The following DLGAP1 variants were observed in gnomAD, a reference collection of about 807,000 sequenced individuals.
The protein encoded by DLGAP1 is disks large-associated protein 1.
In DLGAP1, 11 loss-of-function variants were observed where a neutral mutation model predicts 90.8. The observed-to-expected ratio is 0.12, with a 90% CI of 0.08 to 0.20. DLGAP1 has a LOEUF of 0.20. Ranked by LOEUF, DLGAP1 falls within the 10% of genes least tolerant of loss-of-function variation. DLGAP1 has a pLI of 1.00. For synonymous variants in DLGAP1, 558 were observed against 540.7 expected, an observed-to-expected ratio of 1.03 and a Z score of -0.44; for missense variants, 1,050 against 1,333.8, an observed-to-expected ratio of 0.79 and a Z score of 3.31.
At chr18:3,551,314 G>A (rs55729040) in intron 9 of DLGAP1, among the ~76,000 whole-genome samples, 134,340 of 151,940 alleles carry the variant, frequency 0.88, 59,857 homozygotes, top group East Asian at 1. Context: ...TGTAGTGGTG[G>A]TCTTGCCTCA....
intron 3 of DLGAP1, among the ~76,000 whole-genome samples, chr18:3,967,548 C>T (rs2073355809): frequency 6.6e-6 from 1 of 152,158 alleles, no homozygotes; most frequent in African/African-American, 2.4e-5. Context: ...GTGACTGATG[C>T]CGGCTGAAAT....
intron 10 of DLGAP1, among the ~76,000 whole-genome samples, chr18:3,527,561 T>C (rs1568134816): frequency 6.6e-6 from 1 of 151,614 alleles, no homozygotes; most frequent in Non-Finnish European, 1.5e-5. Flanking sequence ...GTTTTTGTTT[T>C]TTTAGTTTTT....
chr18:3,856,001 G>A (rs1426540672), intron 4 of DLGAP1, among the ~76,000 whole-genome samples: 1 of 152,200 alleles, frequency 6.6e-6, no homozygotes, highest in Non-Finnish European at 1.5e-5. Flanking sequence ...TACAAAGCAT[G>A]TCAAGAATGG....
intron 1 of DLGAP1, among the ~76,000 whole-genome samples, chr18:4,158,023 C>T (rs1343867290): frequency 2.0e-5 from 3 of 152,150 alleles, no homozygotes; most frequent in African/African-American, 7.2e-5. Flanking sequence ...AAAGAAAGAG[C>T]AAACCACAGG....
Position 4,407,831 on chromosome 18 carries a change from C to T in DLGAP1, c.-267+47175G>A, listed in dbSNP as rs138055892. Among the ~76,000 whole-genome samples the T allele has an allele frequency of 5.1e-4, 78 of 151,470 alleles. 1 individual carries two copies. In the East Asian group the frequency reaches 0.014, roughly 28 times the overall value. On this transcript the variant is annotated intron_variant, in intron 1 of 12. Coordinates refer to ENST00000315677, the MANE Select transcript of DLGAP1 (RefSeq NM_004746.4). ...CCAAAAGGGGGAGGTTGCAGTGAGC[C>T]GAGATTACGCCAGAGTGAGACTCAG...
chr18:3,627,068 T>C (rs2058323939), intron 7 of DLGAP1, among the ~76,000 whole-genome samples: 2 of 152,170 alleles, frequency 1.3e-5, no homozygotes, highest in Admixed American at 6.5e-5. Context: ...AAGAATTACA[T>C]GGTCTCATGA....
chr18:4,000,321 A>G (rs1047582910), intron 3 of DLGAP1, among the ~76,000 whole-genome samples: 5 of 152,008 alleles, frequency 3.3e-5, no homozygotes, highest in Non-Finnish European at 5.9e-5. Flanking sequence ...TTTTCAACGG[A>G]TATGTTTTTA....
intron 2 of DLGAP1, among the ~76,000 whole-genome samples, chr18:4,146,413 G>A (rs1319958726): frequency 1.3e-5 from 2 of 152,140 alleles, no homozygotes; most frequent in Admixed American, 6.5e-5. Context: ...TCAAATATGT[G>A]CCCTTAGTGG....
At chr18:4,357,307 C>T (rs2081542418) in intron 1 of DLGAP1, among the ~76,000 whole-genome samples, 2 of 151,838 alleles carry the variant, frequency 1.3e-5, no homozygotes, top group Admixed American at 1.3e-4. Context: ...GTGTGTGCCA[C>T]CACGCCTGGC....
At chr18:3,903,550 A>T (rs2071831156) in intron 3 of DLGAP1, among the ~76,000 whole-genome samples, 1 of 152,216 alleles carries the variant, frequency 6.6e-6, no homozygotes, top group African/African-American at 2.4e-5. Context: ...TTTGCAGCAG[A>T]TCTTTTAAAC....
At chr18:3,766,479 A>G (rs1356036199) in intron 5 of DLGAP1, among the ~76,000 whole-genome samples, 1 of 152,150 alleles carries the variant, frequency 6.6e-6, no homozygotes, top group East Asian at 1.9e-4. Flanking sequence ...AATAGACTCA[A>G]ACAGACATTA....
chr18:4,115,095 CT>C (rs1421101760), intron 2 of DLGAP1, among the ~76,000 whole-genome samples: 2 of 151,944 alleles, frequency 1.3e-5, no homozygotes, highest in African/African-American at 4.8e-5. Context: ...TTTAACTTAT[CT>C]TAATGATCTT....
At chr18:3,908,357 T>C (rs542688818) in intron 3 of DLGAP1, among the ~76,000 whole-genome samples, 1 of 152,224 alleles carries the variant, frequency 6.6e-6, no homozygotes, top group Non-Finnish European at 1.5e-5. Flanking sequence ...TATGCACTCA[T>C]AGTTTAATAG....
At chr18:3,548,777 C>T (rs1344348374) in intron 9 of DLGAP1, among the ~76,000 whole-genome samples, 1 of 152,214 alleles carries the variant, frequency 6.6e-6, no homozygotes, top group East Asian at 1.9e-4. Context: ...TGGTTCAGGC[C>T]TGTAATTCCA....
At chr18:4,149,557 T>C (rs964386926) in intron 2 of DLGAP1, among the ~76,000 whole-genome samples, 3 of 152,168 alleles carry the variant, frequency 2.0e-5, no homozygotes, top group Non-Finnish European at 4.4e-5. Flanking sequence ...CCCCAGGTCA[T>C]AGACCAGTAC....
intron 2 of DLGAP1, among the ~76,000 whole-genome samples, chr18:4,142,210 T>C (rs1256729947): frequency 6.6e-6 from 1 of 152,246 alleles, no homozygotes; most frequent in African/African-American, 2.4e-5. Flanking sequence ...AACTCTATTA[T>C]ACTATTGTAA....
chr18:4,137,691 G>T (rs1598465572), intron 2 of DLGAP1, among the ~76,000 whole-genome samples: 1 of 152,228 alleles, frequency 6.6e-6, no homozygotes, highest in East Asian at 1.9e-4. Flanking sequence ...GATAAGGATT[G>T]CACTGAGTCC....
intron 1 of DLGAP1, among the ~76,000 whole-genome samples, chr18:4,425,059 T>A (rs8083094): frequency 7.4e-6 from 1 of 134,954 alleles, no homozygotes; most frequent in East Asian, 2.3e-4. Flanking sequence ...CATTCCTTGG[T>A]GGGGCGGGGG....
intron 5 of DLGAP1, among the ~76,000 whole-genome samples, chr18:3,763,165 C>T (rs982614145): frequency 7.9e-5 from 12 of 152,168 alleles, no homozygotes; most frequent in African/African-American, 1.2e-4. Flanking sequence ...ACCATCTAAT[C>T]AGCTGCCAGC....
Sources: gnomAD v4.1 joint callset for allele counts (sites outside exome capture counted in the v4.1 genomes callset) on GRCh38, gnomAD v4.1.1 for gene constraint, MANE v1.5 for transcripts, NCBI Gene and HGNC (gene_info 2026-07-23, HGNC 2026-07-21) for gene names.